Variants in NR4A3 observed in about 807,000 individuals in gnomAD.
NR4A3 encodes nuclear receptor subfamily 4 group A member 3, also known as chondrosarcoma, extraskeletal myxoid, fused to EWS.
A neutral mutation model predicts 55.6 loss-of-function variants in NR4A3; 13 were observed. That is an observed-to-expected ratio of 0.23 (90% confidence interval 0.15 to 0.37). The LOEUF is 0.37. Among genes scored for constraint, NR4A3 ranks in the 10% least tolerant of loss-of-function variants. The pLI is 1.00. For missense variants in NR4A3, 646 were observed against 822.8 expected (o/e 0.79, Z 2.63); for synonymous variants, 342 against 357.9 (o/e 0.96, Z 0.50).
chr9:99,857,236 A>G (rs1458991599), intron 7 of NR4A3, among the ~76,000 whole-genome samples: 2 of 152,172 alleles, frequency 1.3e-5, no homozygotes. Context: ...AGATGATTAT[A>G]AGAGTGATGT....
intron 7 of NR4A3, among the ~76,000 whole-genome samples, chr9:99,848,876 T>C (rs1039086332): frequency 3.9e-5 from 6 of 152,160 alleles, no homozygotes; most frequent in African/African-American, 1.4e-4. Flanking sequence ...TCATTCTTTC[T>C]GGTCAGACTG....
intron 7 of NR4A3, among the ~76,000 whole-genome samples, chr9:99,855,948 A>G (rs1428428205): frequency 6.6e-6 from 1 of 151,114 alleles, no homozygotes; most frequent in African/African-American, 2.4e-5. Flanking sequence ...TTTATCCCCT[A>G]CTCCCTGCCA....
intron 7 of NR4A3, among the ~76,000 whole-genome samples, chr9:99,855,346 G>C (rs1279795817): frequency 1.3e-5 from 2 of 152,184 alleles, no homozygotes; most frequent in Non-Finnish European, 1.5e-5. Flanking sequence ...TGGGCCAATT[G>C]TGAGTATCAG....
At chr9:99,849,870 A>G (rs1462282456) in intron 7 of NR4A3, among the ~76,000 whole-genome samples, 1 of 152,244 alleles carries the variant, frequency 6.6e-6, no homozygotes, top group African/African-American at 2.4e-5. Context: ...CAAGGTGTTG[A>G]GTGCCACCAT....
At chr9:99,824,928 A>G (rs1265980224) in intron 1 of NR4A3, among the ~76,000 whole-genome samples, 1 of 152,094 alleles carries the variant, frequency 6.6e-6, no homozygotes, top group African/African-American at 2.4e-5. Flanking sequence ...CCTCGAAGAC[A>G]CCGCCCTCTG....
chr9:99,863,073 G>A (rs946360278), intron 7 of NR4A3, among the ~76,000 whole-genome samples: 30 of 152,114 alleles, frequency 2.0e-4, no homozygotes, highest in African/African-American at 7.2e-4. Flanking sequence ...GGGTCTTTTC[G>A]AGCAGCCCTT....
intron 5 of NR4A3, among the ~76,000 whole-genome samples, chr9:99,839,019 G>C (rs1161428357): frequency 1.3e-5 from 2 of 152,184 alleles, no homozygotes; most frequent in Non-Finnish European, 2.9e-5. Flanking sequence ...ACTGTTCCAG[G>C]GCAATGGACA....
rs553767182 is a variant in NR4A3, at chr9:99,822,527, C to G, written c.-177+120C>G. 24 of 152,512 alleles carry G rather than the reference C, an allele frequency of 1.6e-4. No homozygotes were observed. The highest frequency in any genetic ancestry group is 5.5e-4 in the African/African-American group (23 of 41,578). 9.4% of individuals were successfully genotyped at this position (152,512 alleles called of 1,614,324 possible). A position where few individuals can be genotyped will look rare whatever the true frequency, so the allele number is the denominator to read the frequency against. On this transcript the variant is annotated intron_variant, in intron 1 of 7. Transcript: ENST00000395097. The surrounding 1 kb of genome is among the most constrained non-coding windows in gnomAD (Gnocchi z 4.9). ...GGGTTCCCTCCCCTGACCTTGCCGCCCGGCTCCGGCTTTGCTAGCCCAGCG... is the reference window on the plus strand; with the variant it reads ...GGGTTCCCTCCCCTGACCTTGCCGCGCGGCTCCGGCTTTGCTAGCCCAGCG...
intron 7 of NR4A3, among the ~76,000 whole-genome samples, chr9:99,849,386 T>C (rs970396816): frequency 2.8e-4 from 43 of 152,026 alleles, no homozygotes; most frequent in African/African-American, 1.0e-3. Flanking sequence ...GCTGCTAGAC[T>C]TCCAAGAGAG....
Position 99,822,888 on chromosome 9 carries a change from G to A in NR4A3, c.-177+481G>A, listed in dbSNP as rs1251155250. Reference sequence around the variant, plus strand: ...AGTAAATGTTGCTAATGGTGGCACCGAGCTGGTTCTCTGGAAGGAAGCTTA... The same window carrying A: ...AGTAAATGTTGCTAATGGTGGCACCAAGCTGGTTCTCTGGAAGGAAGCTTA... On this transcript the variant is annotated intron_variant, in intron 1 of 7. Coordinates refer to ENST00000395097, the MANE Select transcript of NR4A3 (RefSeq NM_006981.4). The surrounding 1 kb of genome is among the most constrained non-coding windows in gnomAD (Gnocchi z 4.9). 6.6e-6 allele frequency among the ~76,000 whole-genome samples: 1 copy of A among 152,172 alleles called. No individual in the cohort carries two copies. Among genetic ancestry groups the A allele is most frequent in the Non-Finnish European group, 1.5e-5 (1 of 68,024 alleles).
intron 7 of NR4A3, among the ~76,000 whole-genome samples, chr9:99,860,031 C>T (rs1827983834): frequency 6.6e-6 from 1 of 152,134 alleles, no homozygotes; most frequent in East Asian, 1.9e-4. Context: ...TCTATTTTAA[C>T]ATTATTATAC....
At chr9:99,833,165 ATGGT>A (rs1301764836) in intron 4 of NR4A3, 113 bp from the exon 5 acceptor site, 2 of 1,294,396 alleles carry the variant, frequency 1.5e-6, no homozygotes, top group Non-Finnish European at 2.1e-6. Context: ...CCACTTTTAA[ATGGT>A]TGGTCTCATT....
intron 5 of NR4A3, among the ~76,000 whole-genome samples, chr9:99,837,548 T>C (rs1179488226): frequency 6.6e-6 from 1 of 152,080 alleles, no homozygotes; most frequent in Non-Finnish European, 1.5e-5. Context: ...TAAATATTTT[T>C]AAATTACAAT....
At chr9:99,827,364 C>G (rs1354442706) in intron 2 of NR4A3, among the ~76,000 whole-genome samples, 1 of 151,592 alleles carries the variant, frequency 6.6e-6, no homozygotes, top group Admixed American at 6.6e-5. Context: ...CAAACTCTCC[C>G]GAGTCAATTT....
intron 1 of NR4A3, among the ~76,000 whole-genome samples, chr9:99,823,664 G>T (rs538669037): frequency 1.2e-4 from 19 of 152,126 alleles, no homozygotes; most frequent in Admixed American, 9.8e-4. Context: ...AGTTATTTTC[G>T]CTGAACAAGA....
At chr9:99,845,286 C>T (rs759423406) in intron 6 of NR4A3, among the ~76,000 whole-genome samples, 9 of 152,186 alleles carry the variant, frequency 5.9e-5, no homozygotes, top group Non-Finnish European at 1.2e-4. Flanking sequence ...TATTCTAGCA[C>T]ACCTGATGGG....
rs559016903 is a variant in NR4A3, at chr9:99,860,903, A to G, written c.1634-2717A>G. 3.3e-5 allele frequency among the ~76,000 whole-genome samples: 5 copies of G among 152,238 alleles called. No individual in the cohort carries two copies. In the South Asian group the frequency reaches 8.3e-4, roughly 25 times the overall value. On this transcript the variant is annotated intron_variant, in intron 7 of 7. Coordinates refer to ENST00000395097, the MANE Select transcript of NR4A3 (RefSeq NM_006981.4). ...CATAACATTATCTTAATTGAGCCAC[A>G]ATAATCCATGGAGTTGGGTTTTATT...
chr9:99,841,557 T>C (rs1245267791), intron 5 of NR4A3, among the ~76,000 whole-genome samples: 1 of 152,244 alleles, frequency 6.6e-6, no homozygotes, highest in Non-Finnish European at 1.5e-5. Context: ...CACTGTCATT[T>C]GTTAATCATG....
chr9:99,852,555 GA>G, intron 7 of NR4A3, among the ~76,000 whole-genome samples: 1 of 152,284 alleles, frequency 6.6e-6, no homozygotes, highest in South Asian at 2.1e-4. Flanking sequence ...TTCCTGTACA[GA>G]AATAGGGGAA....
Sources: allele counts gnomAD v4.1 joint callset (sites outside exome capture counted in the v4.1 genomes callset), GRCh38; gene constraint gnomAD v4.1.1; non-coding constraint Gnocchi (gnomAD v3.1); transcripts MANE v1.5; gene names NCBI Gene and HGNC (gene_info 2026-07-23, HGNC 2026-07-21).